Variants in SH2D4A observed in about 807,000 individuals in gnomAD.
The protein encoded by SH2D4A is SH2 domain containing 4A.
In SH2D4A, 70 loss-of-function variants were observed where a neutral mutation model predicts 64.7. The observed-to-expected ratio is 1.08, with a 90% CI of 0.89 to 1.32. SH2D4A has a LOEUF of 1.32. SH2D4A is among the 40% of genes most tolerant of loss of function. SH2D4A has a pLI of 0.00. For synonymous variants in SH2D4A, 268 were observed against 200.7 expected (o/e 1.34, Z -2.83); for missense variants, 706 against 540.1 (o/e 1.31, Z -3.04).
Position 19,333,116 on chromosome 8 carries a change from T to C in SH2D4A, c.341+2T>C, listed in dbSNP as rs547418740. The C allele has an allele frequency of 6.2e-7, 1 of 1,605,640 alleles. No homozygotes were observed. The highest frequency in any genetic ancestry group is 1.3e-5 in the African/African-American group (1 of 74,432). ...AGAACAGGAGGCAGAAGAGCCCAGG[T>C]ATGAGATCTGCAAACCAACCAGAGA... On this transcript the variant is annotated splice_donor_variant, in intron 3 of 9. Coordinates refer to ENST00000265807, the MANE Select transcript of SH2D4A (RefSeq NM_022071.4). LOFTEE classifies it high-confidence loss of function.
chr8:19,383,809 T>C (rs2053340054), intron 8 of SH2D4A, among the ~76,000 whole-genome samples: 1 of 152,144 alleles, frequency 6.6e-6, no homozygotes. Context: ...AATGTCTGGC[T>C]GCCAAAAGGG....
At chr8:19,394,116 C>T (rs1416406518) in intron 9 of SH2D4A, among the ~76,000 whole-genome samples, 1 of 152,158 alleles carries the variant, frequency 6.6e-6, no homozygotes, top group Non-Finnish European at 1.5e-5. Flanking sequence ...TGAGATCCCT[C>T]CCATGCACAG....
intron 7 of SH2D4A, among the ~76,000 whole-genome samples, chr8:19,367,631 A>C (rs1479886721): frequency 6.6e-6 from 1 of 152,150 alleles, no homozygotes; most frequent in African/African-American, 2.4e-5. Context: ...GCTTTGTCAG[A>C]TACATAGTTT....
chr8:19,373,727 G>A lies in SH2D4A; in HGVS notation c.1048+67G>A. 4 of 1,524,680 alleles carry A rather than the reference G, an allele frequency of 2.6e-6. 1 individual carries two copies. The highest frequency in any genetic ancestry group is 1.8e-6 in the Non-Finnish European group (2 of 1,128,608). The allele number at this position is 1,524,680 out of a possible 1,614,324, so 94.4% of individuals were successfully genotyped here. A position where few individuals can be genotyped will look rare whatever the true frequency, so the allele number is the denominator to read the frequency against. On this transcript the variant is annotated intron_variant, in intron 8 of 9. Transcript: ENST00000265807. Reference sequence around the variant, plus strand: ...GGATGAAGCTGTGCTAATCTACCAGGAAGCCAGAATAAAAGCTTCCATTTA... The same window carrying A: ...GGATGAAGCTGTGCTAATCTACCAGAAAGCCAGAATAAAAGCTTCCATTTA...
intron 7 of SH2D4A, among the ~76,000 whole-genome samples, chr8:19,369,806 C>G (rs892949769): frequency 7.9e-5 from 12 of 151,936 alleles, no homozygotes; most frequent in African/African-American, 2.9e-4. Context: ...TCTGTAGTCT[C>G]TATTTTATCT....
intron 5 of SH2D4A, among the ~76,000 whole-genome samples, chr8:19,357,729 G>A (rs942722520): frequency 6.6e-6 from 1 of 152,296 alleles, no homozygotes; most frequent in Admixed American, 6.5e-5. Flanking sequence ...CTGGCACTCA[G>A]CCCTCTCTCA....
In SH2D4A at chr8:19,319,414, C is replaced by G. The variant is rs898345069; in HGVS notation, c.-134C>G. On this transcript the variant is annotated 5_prime_UTR_variant, in exon 2 of 10. Transcript: ENST00000265807. Reference sequence around the variant, plus strand: ...AGTAGCCAGTTTGCTGAATTATTGTCCCAGTCAGCCAGGATTGTGAGCTGT... The same window carrying G: ...AGTAGCCAGTTTGCTGAATTATTGTGCCAGTCAGCCAGGATTGTGAGCTGT... The G allele has an allele frequency of 6.1e-6, 8 of 1,305,894 alleles. No individual in the cohort carries two copies. The African/African-American group carries it at 9.2e-5, about 15-fold the overall frequency. 80.9% of individuals were successfully genotyped at this position (1,305,894 alleles called of 1,614,324 possible).
intron 4 of SH2D4A, among the ~76,000 whole-genome samples, chr8:19,355,420 G>A (rs986214232): frequency 2.0e-5 from 3 of 152,034 alleles, no homozygotes; most frequent in Admixed American, 6.6e-5. Context: ...AAGTTTAGAC[G>A]CAGAGCAGCA....
In SH2D4A at chr8:19,395,568, C is replaced by CTTAGGAGAAGAGAG; in HGVS notation, c.*927_*940dup. 6.6e-6 allele frequency: 1 copy of CTTAGGAGAAGAGAG among 152,082 alleles called. No individual in the cohort carries two copies. The highest frequency in any genetic ancestry group is 1.9e-4 in the East Asian group (1 of 5,172). The allele number at this position is 152,082 out of a possible 1,614,324, so 9.4% of individuals were successfully genotyped here. On this transcript the variant is annotated 3_prime_UTR_variant, in exon 10 of 10. Coordinates refer to ENST00000265807, the MANE Select transcript of SH2D4A (RefSeq NM_022071.4). Reference sequence around the variant, plus strand: ...GGCCCCAAATCCAATGACTGGCATCCTTAGGAGAAGAGAGAGTTTTGGTAA... The same window carrying CTTAGGAGAAGAGAG: ...GGCCCCAAATCCAATGACTGGCATCCTTAGGAGAAGAGAGTTAGGAGAAGAGAGAGTTTTGGTAA...
intron 4 of SH2D4A, among the ~76,000 whole-genome samples, chr8:19,354,135 GCATGTGCCAC>G (rs1329433829): frequency 6.6e-6 from 1 of 151,722 alleles, no homozygotes; most frequent in Non-Finnish European, 1.5e-5. Context: ...GGATTAACAG[GCATGTGCCAC>G]CATGCACCAC....
chr8:19,334,489 A>G (rs1246523990), intron 3 of SH2D4A, among the ~76,000 whole-genome samples, 197 bp from the exon 4 acceptor site: 1 of 152,144 alleles, frequency 6.6e-6, no homozygotes, highest in Non-Finnish European at 1.5e-5. Flanking sequence ...GAGGATGACA[A>G]TGCCTTCCTC....
At chr8:19,342,403 G>T (rs2052543136) in intron 4 of SH2D4A, among the ~76,000 whole-genome samples, 1 of 152,234 alleles carries the variant, frequency 6.6e-6, no homozygotes, top group Admixed American at 6.5e-5. Flanking sequence ...GCTGAGGCCA[G>T]CCTCAAGGGA....
At chr8:19,373,748 A>C in intron 8 of SH2D4A, 88 bp downstream of exon 8, 1 of 1,467,306 alleles carries the variant, frequency 6.8e-7, no homozygotes, top group Non-Finnish European at 9.2e-7. Flanking sequence ...AAAAGCTTCC[A>C]TTTATTGGTG....
In SH2D4A at chr8:19,395,450, G is replaced by A. The variant is rs1054882095; in HGVS notation, c.*808G>A. On this transcript the variant is annotated 3_prime_UTR_variant, in exon 10 of 10. Transcript: ENST00000265807. ...ATTGTGTTCCCCCAAAATATATGGT[G>A]AAGTCTTAACCCCCATCCCCGTGAA... is the stretch of plus-strand genomic sequence containing the variant. 6.6e-6 allele frequency: 1 copy of A among 152,220 alleles called. No individual in the cohort carries two copies. Among genetic ancestry groups the A allele is most frequent in the Admixed American group, 6.5e-5 (1 of 15,280 alleles). The allele number at this position is 152,220 out of a possible 1,614,324, so 9.4% of individuals were successfully genotyped here. A position where few individuals can be genotyped will look rare whatever the true frequency, so the allele number is the denominator to read the frequency against.
chr8:19,373,544 T>G lies in SH2D4A; in HGVS notation c.932T>G (p.Val311Gly). ...PQKPLRNQGV[V>G]RTLSSSAQED... ...ATAAATAACAGAAATCAGGGAGTGG[T>G]GAGGACACTGTCCAGCTCTGCCCAA... The change falls in exon 8 of 10, where the codon GTG becomes GGG. Residue 311 changes from valine to glycine, a missense_variant. Transcript: ENST00000265807. 1 of 1,606,074 alleles carries G rather than the reference T, an allele frequency of 6.2e-7. No individual in the cohort carries two copies. Among genetic ancestry groups the G allele is most frequent in the Non-Finnish European group, 8.5e-7 (1 of 1,175,810 alleles).
chr8:19,318,252 GT>G (rs1055307013), intron 1 of SH2D4A, among the ~76,000 whole-genome samples: 3 of 151,902 alleles, frequency 2.0e-5, no homozygotes, highest in Non-Finnish European at 2.9e-5. Context: ...GTTGTAGTAA[GT>G]TTTTTTTCTT....
intron 4 of SH2D4A, among the ~76,000 whole-genome samples, chr8:19,355,576 C>G (rs2052779302): frequency 6.6e-6 from 1 of 152,190 alleles, no homozygotes; most frequent in Non-Finnish European, 1.5e-5. Flanking sequence ...ACTACAATGT[C>G]AACATAGTGG....
intron 2 of SH2D4A, among the ~76,000 whole-genome samples, chr8:19,325,298 A>G (rs2052259460): frequency 6.6e-6 from 1 of 152,236 alleles, no homozygotes; most frequent in Admixed American, 6.5e-5. Flanking sequence ...TGTGCCAAGC[A>G]TAAGATTTGT....
In SH2D4A at chr8:19,334,828, G is replaced by A. The variant is rs763413193; in HGVS notation, c.484G>A (p.Ala162Thr). The change falls in exon 4 of 10, where the codon GCA (alanine) becomes ACA (threonine). Residue 162 changes from alanine (A) to threonine (T), a missense_variant. Physicochemically the swap from Ala to Thr is moderately conservative, Grantham distance 58. Transcript: ENST00000265807. ...KEELEQGSRP[A>T]PTLEEEKIRS... ...GGAACTGGAGCAAGGATCGAGGCCA[G>A]CACCAACCCTGGAAGAAGAGAAAAT... 1.9e-6 allele frequency: 3 copies of A among 1,608,618 alleles called. No individual in the cohort carries two copies. The African/African-American group carries it at 4.0e-5, about 22-fold the overall frequency.
Sources: gnomAD v4.1 joint callset for allele counts (sites outside exome capture counted in the v4.1 genomes callset) on GRCh38, gnomAD v4.1.1 for gene constraint, MANE v1.5 for transcripts, NCBI Gene and HGNC (gene_info 2026-07-23, HGNC 2026-07-21) for gene names.